TMEM207: variants seen among roughly 807,000 people sequenced by gnomAD.
The protein encoded by TMEM207 is transmembrane protein 207.
TMEM207 carries 15 observed loss-of-function variants against 17.4 expected under a neutral mutation model. The ratio of observed to expected loss-of-function variants is 0.86; its 90% CI spans 0.58 to 1.33. The LOEUF (loss-of-function observed/expected upper bound fraction) is 1.33, where lower values mean the gene tolerates loss of function less well. TMEM207 is among the 40% of genes most tolerant of loss of function. The pLI is 0.00. For missense variants in TMEM207, 205 were observed against 173.8 expected (o/e 1.18, Z -1.01); for synonymous variants, 70 against 65.6 (o/e 1.07, Z -0.33).
intron 4 of TMEM207, among the ~76,000 whole-genome samples, chr3:190,433,740 G>A (rs111382625): frequency 6.6e-6 from 1 of 152,146 alleles, no homozygotes; most frequent in African/African-American, 2.4e-5. Flanking sequence ...ATTTGGATCT[G>A]TGTCCCCACC....
At chr3:190,429,914 G>A (rs78875004) in intron 4 of TMEM207, among the ~76,000 whole-genome samples, 183 bp from the exon 5 acceptor site, 17 of 127,114 alleles carry the variant, frequency 1.3e-4, no homozygotes, top group African/African-American at 5.0e-4. Context: ...CCACAGGGGG[G>A]AAAAAAAAAA....
chr3:190,444,504 T>C, intron 2 of TMEM207: 4 of 790,084 alleles, frequency 5.1e-6, no homozygotes, highest in Non-Finnish European at 6.1e-6. Context: ...TACTGAAAAT[T>C]AAAAAAAAAA....
At chr3:190,448,945 G>C (rs944383864) in intron 1 of TMEM207, among the ~76,000 whole-genome samples, 2 of 152,174 alleles carry the variant, frequency 1.3e-5, no homozygotes, top group African/African-American at 4.8e-5. Context: ...GCTGCAAATA[G>C]ATTTGCATAC....
intron 3 of TMEM207, 136 bp downstream of exon 3, chr3:190,441,302 G>T: frequency 1.5e-6 from 1 of 670,024 alleles, no homozygotes; most frequent in Non-Finnish European, 2.5e-6. Context: ...ATCTGAAAGT[G>T]ATGTTTCTAT....
intron 4 of TMEM207, among the ~76,000 whole-genome samples, chr3:190,431,336 CTAT>C (rs1719687733): frequency 6.6e-6 from 1 of 152,022 alleles, no homozygotes; most frequent in African/African-American, 2.4e-5. Flanking sequence ...TCAAGGTTTA[CTAT>C]TATTATTACA....
In TMEM207 at chr3:190,429,621, A is replaced by G. The variant is rs1414097351; in HGVS notation, c.415T>C (p.Tyr139His). 1.2e-6 allele frequency: 2 copies of G among 1,613,526 alleles called. No individual in the cohort carries two copies. Among genetic ancestry groups the G allele is most frequent in the Non-Finnish European group, 1.7e-6 (2 of 1,179,620 alleles). ...CFGPLGSPPP[Y>H]EEIVKTT ...CAGGTTGTTTTTACAATTTCTTCAT[A>G]TGGAGGTGGGGAGCCTAAAGGGCCA... The change falls in exon 5 of 5, where the codon TAT (tyrosine) becomes CAT (histidine). Residue 139 changes from tyrosine (Y) to histidine (H), a missense_variant. Physicochemically the swap from Tyr to His is moderately conservative, Grantham distance 83. Coordinates refer to ENST00000354905, the MANE Select transcript of TMEM207 (RefSeq NM_207316.3).
At chr3:190,432,986 C>A (rs1380612914) in intron 4 of TMEM207, among the ~76,000 whole-genome samples, 1 of 152,130 alleles carries the variant, frequency 6.6e-6, no homozygotes, top group South Asian at 2.1e-4. Context: ...CATTAGGAAG[C>A]CTTGTCAAGC....
rs1336661909 is a variant in TMEM207 at position 190,441,479 on chromosome 3, A to T, written c.117T>A (p.Cys39Ter). The T allele has an allele frequency of 6.2e-7, 1 of 1,611,206 alleles. No homozygotes were observed. Among genetic ancestry groups the T allele is most frequent in the Non-Finnish European group, 8.5e-7 (1 of 1,178,436 alleles). The stretch of plus-strand genomic sequence containing the variant: ...TAGGGTGTTGGTCATTATAATTTAC[A>T]CACCTGGTGATAAAGGGAGAGCGTT... ...SDLPCEEDEM[C>*]VNYNDQHPNG... Residue 39 changes from cysteine (C) to a stop codon, truncating the protein, a stop_gained, in exon 3 of 5, where the codon TGT (cysteine) becomes TGA (stop). Coordinates refer to ENST00000354905, the MANE Select transcript of TMEM207 (RefSeq NM_207316.3). LOFTEE classifies it high-confidence loss of function.
At chr3:190,441,571 T>C (rs1719939117) in intron 2 of TMEM207, 89 bp from the exon 3 acceptor site, 1 of 1,040,692 alleles carries the variant, frequency 9.6e-7, no homozygotes, top group African/African-American at 1.6e-5. Context: ...TGATCACACT[T>C]GTTTCTCCAG....
rs1050054212 is a variant in TMEM207 at position 190,447,770 on chromosome 3, G to A, written c.113+20C>T. 4.4e-6 allele frequency: 7 copies of A among 1,608,592 alleles called. No individual in the cohort carries two copies. The highest frequency in any genetic ancestry group is 5.1e-6 in the Non-Finnish European group (6 of 1,178,028). ...TTTAAATGCGAAATAAAAACATGGA[G>A]TTTTTCGCTGTTTACTTACATTTCA... On this transcript the variant is annotated intron_variant, in intron 2 of 4. Coordinates refer to ENST00000354905, the MANE Select transcript of TMEM207 (RefSeq NM_207316.3).
intron 4 of TMEM207, among the ~76,000 whole-genome samples, chr3:190,432,626 G>T (rs1292225379): frequency 6.6e-6 from 1 of 152,092 alleles, no homozygotes; most frequent in Non-Finnish European, 1.5e-5. Flanking sequence ...TGGCATTTCT[G>T]AAAAATCATA....
intron 4 of TMEM207, among the ~76,000 whole-genome samples, chr3:190,432,752 T>G (rs141931179): frequency 6.6e-6 from 1 of 152,218 alleles, no homozygotes; most frequent in Non-Finnish European, 1.5e-5. Context: ...CACTCATACA[T>G]AATCACTGCT....
In TMEM207 at chr3:190,429,622, T is replaced by C. The variant is rs1425985548; in HGVS notation, c.414A>G (p.Pro138=). The C allele has an allele frequency of 4.3e-6, 7 of 1,613,408 alleles. 1 individual carries two copies. The South Asian group carries it at 6.6e-5, about 15-fold the overall frequency. The part of the protein sequence containing the change: ...PCFGPLGSPP[P]YEEIVKTT ...AGGTTGTTTTTACAATTTCTTCATATGGAGGTGGGGAGCCTAAAGGGCCAA... is the reference window on the plus strand; with the variant it reads ...AGGTTGTTTTTACAATTTCTTCATACGGAGGTGGGGAGCCTAAAGGGCCAA... Residue 138 remains proline, a synonymous_variant, in exon 5 of 5, where the codon CCA becomes CCG. Coordinates refer to ENST00000354905, the MANE Select transcript of TMEM207 (RefSeq NM_207316.3).
chr3:190,433,941 CTGGCCCAGCCA>C (rs1355035932), intron 4 of TMEM207, among the ~76,000 whole-genome samples: 1 of 152,126 alleles, frequency 6.6e-6, no homozygotes. Flanking sequence ...TCTCTTCCTC[CTGGCCCAGCCA>C]TGTGAAGTGC....
rs1401561941 is a variant in TMEM207, at chr3:190,440,117, C to T, written c.304+127G>A. 5 of 1,115,208 alleles carry T rather than the reference C, an allele frequency of 4.5e-6. No individual in the cohort carries two copies. In the African/African-American group the frequency reaches 7.9e-5, roughly 18 times the overall value. 69.1% of individuals were successfully genotyped at this position (1,115,208 alleles called of 1,614,324 possible). A position where few individuals can be genotyped will look rare whatever the true frequency, so the allele number is the denominator to read the frequency against. Reference sequence around the variant, plus strand: ...CCCTTAAACTCTCCTCAGTGCAGGCCTTGGTGTCTCCAATAAGCCACATCT... The same window carrying T: ...CCCTTAAACTCTCCTCAGTGCAGGCTTTGGTGTCTCCAATAAGCCACATCT... On this transcript the variant is annotated intron_variant, in intron 4 of 4. Coordinates refer to ENST00000354905, the MANE Select transcript of TMEM207 (RefSeq NM_207316.3).
rs774110608 is a variant in TMEM207, at chr3:190,429,745, G to A, written c.305-14C>T. ...CTGCTTCTGTCCCTGGAAAGAGAAA[G>A]ATGAAGACTTGTAATCTTTCTAGTG... On this transcript the variant is annotated splice_polypyrimidine_tract_variant and intron_variant, in intron 4 of 4. Coordinates refer to ENST00000354905, the MANE Select transcript of TMEM207 (RefSeq NM_207316.3). 6 of 1,586,292 alleles carry A rather than the reference G, an allele frequency of 3.8e-6. No individual in the cohort carries two copies. In the African/African-American group the frequency reaches 6.8e-5, roughly 18 times the overall value.
intron 2 of TMEM207, among the ~76,000 whole-genome samples, chr3:190,442,705 CT>C (rs1325894620): frequency 6.6e-6 from 1 of 150,404 alleles, no homozygotes; most frequent in Non-Finnish European, 1.5e-5. Flanking sequence ...TGAAGTGTGA[CT>C]TTGAAAAGCA....
intron 2 of TMEM207, among the ~76,000 whole-genome samples, chr3:190,443,712 T>C (rs767466414): frequency 7.2e-5 from 11 of 152,196 alleles, no homozygotes; most frequent in Non-Finnish European, 1.6e-4. Context: ...CAGAAACTTT[T>C]TGAGTTCCTA....
chr3:190,429,449 A>T lies in TMEM207; in HGVS notation c.*146T>A. On this transcript the variant is annotated 3_prime_UTR_variant, in exon 5 of 5. Coordinates refer to ENST00000354905, the MANE Select transcript of TMEM207 (RefSeq NM_207316.3). ...CTCCATGACCAAAATTTTTTCCAAC[A>T]TCCATTCTTTTGTCGAATTGTCCTT... is the stretch of plus-strand genomic sequence containing the variant. 4.1e-6 allele frequency: 5 copies of T among 1,218,084 alleles called. No homozygotes were observed. The highest frequency in any genetic ancestry group is 1.6e-5 in the African/African-American group (1 of 64,070). 75.5% of individuals were successfully genotyped at this position (1,218,084 alleles called of 1,614,324 possible).
Sources: allele counts gnomAD v4.1 joint callset (sites outside exome capture counted in the v4.1 genomes callset), GRCh38; gene constraint gnomAD v4.1.1; transcripts MANE v1.5; gene names NCBI Gene and HGNC (gene_info 2026-07-23, HGNC 2026-07-21).